The following HAVCR1 variants were observed in gnomAD, a reference collection of about 807,000 sequenced individuals.
HAVCR1 encodes the protein hepatitis A virus cellular receptor 1, also known as T cell immunoglobin domain and mucin domain protein 1.
A neutral mutation model predicts 32.0 loss-of-function variants in HAVCR1; 34 were observed. The ratio of observed to expected loss-of-function variants is 1.06; its 90% CI spans 0.81 to 1.42. The LOEUF (loss-of-function observed/expected upper bound fraction) is 1.42. HAVCR1 is among the 40% of genes most tolerant of loss of function. The pLI is 0.00. For synonymous variants in HAVCR1, 178 were observed against 170.3 expected, an observed-to-expected ratio of 1.05 and a Z score of -0.35; for missense variants, 420 against 442.3, an observed-to-expected ratio of 0.95 and a Z score of 0.45.
chr5:157,052,347 C>T lies in HAVCR1; in HGVS notation c.673+14G>A, dbSNP rs1755786936. 4 of 1,612,728 alleles carry T rather than the reference C, an allele frequency of 2.5e-6. No individual in the cohort carries two copies. The East Asian group carries it at 6.7e-5, about 27-fold the overall frequency. ...ATTAGAAGGCCTTTGGGCTTCCAAA[C>T]ACATCTGTTTTACCTGGTTCATGGT... On this transcript the variant is annotated intron_variant, in intron 4 of 8. Coordinates refer to ENST00000523175, the MANE Select transcript of HAVCR1 (RefSeq NM_001173393.3).
At chr5:157,065,446 T>C in the HAVCR1 span, among the ~76,000 whole-genome samples, 4 of 152,334 alleles carry the variant, frequency 2.6e-5, no homozygotes, top group South Asian at 8.3e-4. Flanking sequence ...GGGACAAGCA[T>C]GTTGACTCAT....
In HAVCR1 at chr5:157,057,906, T is replaced by C. The variant is rs1303704317; in HGVS notation, c.38A>G (p.His13Arg). The C allele has an allele frequency of 7.4e-6, 12 of 1,613,086 alleles. No individual in the cohort carries two copies. Among genetic ancestry groups the C allele is most frequent in the African/African-American group, 1.3e-5 (1 of 74,738 alleles). Reference sequence around the variant, plus strand: ...GGCACCTACTCACTTACCTGCCAGATGTAGGATGAGGCTTAAGATGACCAC... The same window carrying C: ...GGCACCTACTCACTTACCTGCCAGACGTAGGATGAGGCTTAAGATGACCAC... ...PQVVILSLIL[H>R]LADSVAGSVK... Residue 13 changes from histidine (H) to arginine (R), a missense_variant, in exon 2 of 9, where the codon CAT (histidine) becomes CGT (arginine). Coordinates refer to ENST00000523175, the MANE Select transcript of HAVCR1 (RefSeq NM_001173393.3).
chr5:157,044,421 G>GAGAAAGAAAAGAAAGAA lies in HAVCR1; in HGVS notation c.782-1740_782-1739insTTCTTTCTTTTCTTTCT, dbSNP rs1755127303. On this transcript the variant is annotated intron_variant, in intron 5 of 8. Coordinates refer to ENST00000523175, the MANE Select transcript of HAVCR1 (RefSeq NM_001173393.3). ...GGAAGGAAGGAAGGAAGGAAGGAAG[G>GAGAAAGAAAAGAAAGAA]AGAAAGAAAGAAAGAAAGAAAGAAA... 1.2e-4 allele frequency among the ~76,000 whole-genome samples: 4 copies of GAGAAAGAAAAGAAAGAA among 33,770 alleles called. 1 individual carries two copies. Among genetic ancestry groups the GAGAAAGAAAAGAAAGAA allele is most frequent in the African/African-American group, 7.7e-4 (4 of 5,204 alleles). The allele number at this position is 33,770 out of a possible 152,430, so 22.2% of individuals were successfully genotyped here. A position where few individuals can be genotyped will look rare whatever the true frequency, so the allele number is the denominator to read the frequency against.
chr5:157,030,140 A>C (rs987443150), intron 8 of HAVCR1, among the ~76,000 whole-genome samples: 1 of 152,142 alleles, frequency 6.6e-6, no homozygotes, highest in Non-Finnish European at 1.5e-5. Flanking sequence ...AAAATCTAAA[A>C]ATACAGAGCT....
chr5:157,036,689 C>A (rs1048567362), intron 7 of HAVCR1, among the ~76,000 whole-genome samples: 7 of 151,988 alleles, frequency 4.6e-5, no homozygotes, highest in Non-Finnish European at 1.0e-4. Flanking sequence ...ATTCTCAGTG[C>A]TTTTTCTTTT....
the HAVCR1 span, among the ~76,000 whole-genome samples, chr5:157,069,294 C>T: frequency 3.3e-5 from 5 of 152,276 alleles, no homozygotes; most frequent in Admixed American, 6.5e-5. Context: ...TATAAAACTA[C>T]GAAAGTCCAA....
intron 6 of HAVCR1, among the ~76,000 whole-genome samples, chr5:157,040,191 G>A (rs1375878615): frequency 2.8e-5 from 4 of 142,656 alleles, no homozygotes; most frequent in East Asian, 4.0e-4. Context: ...CCAGCTACTC[G>A]GGAGGCTGAG....
At chr5:157,068,251 G>A in the HAVCR1 span, among the ~76,000 whole-genome samples, 2 of 152,026 alleles carry the variant, frequency 1.3e-5, no homozygotes, top group Non-Finnish European at 1.5e-5. Context: ...CCCAGCCTGG[G>A]TGACAGAGCA....
In HAVCR1 at chr5:157,037,227, A is replaced by T; in HGVS notation, c.952+20T>A. Reference sequence around the variant, plus strand: ...GCTGTACATCCCTTGTCCCTTAGGAACAATCTCGAAATGACTTACTTTTGG... The same window carrying T: ...GCTGTACATCCCTTGTCCCTTAGGATCAATCTCGAAATGACTTACTTTTGG... On this transcript the variant is annotated intron_variant, in intron 7 of 8. Transcript: ENST00000523175. 8.0e-7 allele frequency: 1 copy of T among 1,245,194 alleles called. No individual in the cohort carries two copies. The highest frequency in any genetic ancestry group is 1.2e-6 in the Non-Finnish European group (1 of 843,204). 77.1% of individuals were successfully genotyped at this position (1,245,194 alleles called of 1,614,324 possible).
chr5:157,054,157 C>T (rs1755960622), intron 3 of HAVCR1, among the ~76,000 whole-genome samples: 1 of 144,060 alleles, frequency 6.9e-6, no homozygotes, highest in South Asian at 2.2e-4. Context: ...GCACTCCAGC[C>T]TGCTACCTGG....
intron 4 of HAVCR1, among the ~76,000 whole-genome samples, chr5:157,049,405 G>T (rs1206592543): frequency 2.0e-5 from 3 of 152,192 alleles, no homozygotes; most frequent in Non-Finnish European, 2.9e-5. Flanking sequence ...ATGCGATCTA[G>T]ATAATGTTCC....
intron 5 of HAVCR1, among the ~76,000 whole-genome samples, chr5:157,044,501 AAGGAAGG>A (rs1469008508): frequency 1.6e-5 from 2 of 127,870 alleles, no homozygotes; most frequent in African/African-American, 6.3e-5. Flanking sequence ...GGAAGGAAGG[AAGGAAGG>A]AGGAAGGAAG....
chr5:157,052,695 C>A (rs1164101958), intron 3 of HAVCR1, 41 bp from the exon 4 acceptor site: 2 of 1,543,264 alleles, frequency 1.3e-6, no homozygotes, highest in African/African-American at 2.7e-5. Flanking sequence ...ATAAGTCAAA[C>A]AAGAAACAAG....
Position 157,058,055 on chromosome 5 carries a change from G to A in HAVCR1, c.-12-100C>T, listed in dbSNP as rs1000246703. ...TTGCAACTTATCTTTTCACCCAGTT[G>A]GTTGATTCATATGAGCCTGCTCTGC... On this transcript the variant is annotated intron_variant, in intron 1 of 8. Transcript: ENST00000523175. 5 of 841,930 alleles carry A rather than the reference G, an allele frequency of 5.9e-6. No individual in the cohort carries two copies. In the African/African-American group the frequency reaches 8.3e-5, roughly 14 times the overall value. The allele number at this position is 841,930 out of a possible 1,614,324, so 52.2% of individuals were successfully genotyped here. A position where few individuals can be genotyped will look rare whatever the true frequency, so the allele number is the denominator to read the frequency against.
chr5:157,067,211 A>T, the HAVCR1 span, among the ~76,000 whole-genome samples: 1 of 152,234 alleles, frequency 6.6e-6, no homozygotes, highest in Non-Finnish European at 1.5e-5. Flanking sequence ...GAGGACTCAC[A>T]TCAGCAGATA....
chr5:157,044,680 G>A (rs1461192916), intron 5 of HAVCR1, among the ~76,000 whole-genome samples: 31 of 111,726 alleles, frequency 2.8e-4, no homozygotes, highest in African/African-American at 6.0e-4. Context: ...AAAGAAAGGA[G>A]GGAGGGAGGA....
Position 157,032,844 on chromosome 5 carries a change from TC to T in HAVCR1, c.986+9del. ...CTCAAAAGTATTGATAGAAATATTT[TC>T]GAGCTTACCTTAGTTGTTGAACCTC... On this transcript the variant is annotated intron_variant, in intron 8 of 8. Coordinates refer to ENST00000523175, the MANE Select transcript of HAVCR1 (RefSeq NM_001173393.3). 2 of 1,501,620 alleles carry T rather than the reference TC, an allele frequency of 1.3e-6. No homozygotes were observed. The highest frequency in any genetic ancestry group is 1.9e-6 in the Non-Finnish European group (2 of 1,080,840). 93.0% of individuals were successfully genotyped at this position (1,501,620 alleles called of 1,614,324 possible).
chr5:157,054,420 C>A (rs960050099), intron 3 of HAVCR1, among the ~76,000 whole-genome samples: 2 of 151,986 alleles, frequency 1.3e-5, no homozygotes, highest in African/African-American at 4.8e-5. Flanking sequence ...AGGAGAATTG[C>A]TTGAACCTGG....
At chr5:157,046,430 A>T (rs1422158466) in intron 5 of HAVCR1, among the ~76,000 whole-genome samples, 2 of 152,300 alleles carry the variant, frequency 1.3e-5, no homozygotes, top group Non-Finnish European at 1.5e-5. Context: ...AGACAGGTCA[A>T]TTCTACACTT....
Sources: allele counts gnomAD v4.1 joint callset (sites outside exome capture counted in the v4.1 genomes callset), GRCh38; gene constraint gnomAD v4.1.1; transcripts MANE v1.5; gene names NCBI Gene and HGNC (gene_info 2026-07-23, HGNC 2026-07-21).